Variants in CACNA1A observed in about 807,000 individuals in gnomAD.
CACNA1A encodes the protein voltage-dependent P/Q-type calcium channel subunit alpha-1A.
Under a neutral mutation model 262.4 loss-of-function variants are expected in CACNA1A, and 57 were observed. That is an observed-to-expected ratio of 0.22 (90% CI 0.18 to 0.27). The LOEUF (loss-of-function observed/expected upper bound fraction) is 0.27, where lower values mean the gene tolerates loss of function less well. Among genes scored for constraint, CACNA1A ranks in the 10% least tolerant of loss-of-function variants. The probability of loss-of-function intolerance (pLI) is 1.00; values close to 1 mark genes in which losing one functional copy is unlikely to be tolerated. For synonymous variants in CACNA1A, 1,431 were observed against 1,419.3 expected, an observed-to-expected ratio of 1.01 and a Z score of -0.18; for missense variants, 2,526 against 3,562.8, an observed-to-expected ratio of 0.71 and a Z score of 7.41.
At chr19:13,336,391 T>C (rs1048468144) in intron 6 of CACNA1A, among the ~76,000 whole-genome samples, 2 of 152,088 alleles carry the variant, frequency 1.3e-5, no homozygotes, top group Non-Finnish European at 2.9e-5. Flanking sequence ...GTCTCCCTGC[T>C]CCATTCCCTG....
intron 3 of CACNA1A, among the ~76,000 whole-genome samples, chr19:13,423,202 G>A (rs2060345850): frequency 6.6e-6 from 1 of 152,194 alleles, no homozygotes. Context: ...TAGGGGATTT[G>A]GAGATGGACA....
chr19:13,442,695 T>G (rs989985399), intron 3 of CACNA1A, among the ~76,000 whole-genome samples: 4 of 152,188 alleles, frequency 2.6e-5, no homozygotes, highest in African/African-American at 9.7e-5. Flanking sequence ...CTCACTGTCA[T>G]AGAGGGAGGA....
intron 3 of CACNA1A, among the ~76,000 whole-genome samples, chr19:13,401,974 G>A (rs996550635): frequency 6.6e-5 from 10 of 152,156 alleles, no homozygotes; most frequent in Non-Finnish European, 1.2e-4. Context: ...ACCACATCCG[G>A]CCACCAGTTG....
chr19:13,415,434 G>T (rs1599404314), intron 3 of CACNA1A, among the ~76,000 whole-genome samples: 1 of 151,970 alleles, frequency 6.6e-6, no homozygotes, highest in South Asian at 2.1e-4. Flanking sequence ...GAGCTGAGTG[G>T]GTCATAACAT....
At chr19:13,311,162 T>C (rs2058027263) in intron 12 of CACNA1A, among the ~76,000 whole-genome samples, 1 of 152,184 alleles carries the variant, frequency 6.6e-6, no homozygotes, top group South Asian at 2.1e-4. Flanking sequence ...TGATCATAGC[T>C]CACTGCAGCC....
intron 6 of CACNA1A, among the ~76,000 whole-genome samples, chr19:13,359,225 G>A (rs2145243227): frequency 6.6e-6 from 1 of 152,300 alleles, no homozygotes; most frequent in Admixed American, 6.5e-5. Context: ...GCTGGAGAAG[G>A]ACTGGGTGAG....
intron 3 of CACNA1A, among the ~76,000 whole-genome samples, chr19:13,435,892 T>C (rs2060604343): frequency 6.6e-6 from 1 of 152,164 alleles, no homozygotes; most frequent in Non-Finnish European, 1.5e-5. Context: ...TGGCGCAGAC[T>C]CAGCTCACTG....
chr19:13,302,112 C>T (rs529084334), intron 17 of CACNA1A, among the ~76,000 whole-genome samples: 21 of 152,180 alleles, frequency 1.4e-4, no homozygotes, highest in Admixed American at 2.0e-4. Flanking sequence ...CAGACCCAGA[C>T]GGCCTGGGTT....
chr19:13,293,923 A>G (rs190794273), intron 19 of CACNA1A, among the ~76,000 whole-genome samples: 101 of 152,224 alleles, frequency 6.6e-4, no homozygotes, highest in African/African-American at 2.4e-3. Flanking sequence ...TTTCACAACC[A>G]GGCTTTGCTG....
chr19:13,340,682 C>T (rs1287858082), intron 6 of CACNA1A, among the ~76,000 whole-genome samples: 2 of 152,144 alleles, frequency 1.3e-5, no homozygotes, highest in Non-Finnish European at 2.9e-5. Context: ...TCACCTCGGC[C>T]TCCCAAAGTG....
In CACNA1A at chr19:13,255,161, C is replaced by G; in HGVS notation, c.4689G>C (p.Val1563=). 1 of 1,613,880 alleles carries G rather than the reference C, an allele frequency of 6.2e-7. No homozygotes were observed. The highest frequency in any genetic ancestry group is 8.5e-7 in the Non-Finnish European group (1 of 1,179,854). ...TGATCGTGTACTCGAAAGGCGGAGACACCACGAACTGCCACATGCGGTACT... is the reference window on the plus strand; with the variant it reads ...TGATCGTGTACTCGAAAGGCGGAGAGACCACGAACTGCCACATGCGGTACT... ...SFQYRMWQFV[V]SPPFEYTIMA... is the part of the protein sequence containing the mutation. The change falls in exon 29 of 47, where the codon GTG becomes GTC. Residue 1563 remains valine (V), a synonymous_variant. Coordinates refer to ENST00000360228, the MANE Select transcript of CACNA1A (RefSeq NM_001127222.2).
intron 19 of CACNA1A, among the ~76,000 whole-genome samples, chr19:13,294,287 T>C (rs896968320): frequency 2.0e-5 from 3 of 151,772 alleles, no homozygotes; most frequent in Admixed American, 6.6e-5. Context: ...TTTTCACCTG[T>C]GTGAGGAGCA....
intron 3 of CACNA1A, among the ~76,000 whole-genome samples, chr19:13,441,427 G>T (rs2060717473): frequency 6.6e-6 from 1 of 152,250 alleles, no homozygotes; most frequent in East Asian, 1.9e-4. Flanking sequence ...AGCACTTTGA[G>T]AGGCCAAGGC....
chr19:13,371,896 G>A (rs2059329359), intron 3 of CACNA1A, 117 bp from the exon 4 acceptor site: 1 of 737,890 alleles, frequency 1.4e-6, no homozygotes, highest in Non-Finnish European at 2.5e-6. Flanking sequence ...ACAGGCAGGT[G>A]ACTCGACACC....
intron 12 of CACNA1A, among the ~76,000 whole-genome samples, chr19:13,309,527 T>C (rs1600295390): frequency 7.5e-6 from 1 of 132,470 alleles, no homozygotes; most frequent in South Asian, 2.7e-4. Context: ...ACCCTGACTT[T>C]ACAAAAAAAA....
chr19:13,374,333 A>C (rs908765632), intron 3 of CACNA1A, among the ~76,000 whole-genome samples: 1 of 152,124 alleles, frequency 6.6e-6, no homozygotes, highest in Non-Finnish European at 1.5e-5. Context: ...CTGCAGCCTC[A>C]ACCTCCTGGG....
At chr19:13,344,911 C>T (rs554987827) in intron 6 of CACNA1A, among the ~76,000 whole-genome samples, 63 of 150,156 alleles carry the variant, frequency 4.2e-4, no homozygotes, top group Non-Finnish European at 5.6e-4. Context: ...CGCACCACCA[C>T]GCTCAGCTAA....
At chr19:13,405,922 GAA>G (rs1387851623) in intron 3 of CACNA1A, among the ~76,000 whole-genome samples, 1 of 152,192 alleles carries the variant, frequency 6.6e-6, no homozygotes, top group African/African-American at 2.4e-5. Flanking sequence ...GGCAGAGTCA[GAA>G]TGCATCCATT....
At chr19:13,474,000 T>C (rs567798535) in intron 1 of CACNA1A, among the ~76,000 whole-genome samples, 28 of 152,248 alleles carry the variant, frequency 1.8e-4, no homozygotes, top group Non-Finnish European at 3.7e-4. Context: ...TTTCCATCAC[T>C]GGTTCTGCCA....
Sources: allele counts gnomAD v4.1 joint callset (sites outside exome capture counted in the v4.1 genomes callset), GRCh38; gene constraint gnomAD v4.1.1; transcripts MANE v1.5; gene names NCBI Gene and HGNC (gene_info 2026-07-23, HGNC 2026-07-21).